The following NFYA variants were observed in gnomAD, a reference collection of about 807,000 sequenced individuals.
NFYA encodes nuclear transcription factor Y subunit alpha.
A neutral mutation model predicts 52.8 loss-of-function variants in NFYA; 28 were observed. The ratio of observed to expected loss-of-function variants is 0.53; its 90% CI spans 0.39 to 0.73. NFYA has a LOEUF of 0.73. NFYA is among the 30% of genes least tolerant of loss of function. The pLI is 0.00. For missense variants in NFYA, 234 were observed against 427.0 expected (o/e 0.55, Z 3.98); for synonymous variants, 150 against 150.7 (o/e 1.00, Z 0.03).
intron 1 of NFYA, among the ~76,000 whole-genome samples, chr6:41,076,633 A>G (rs976180038): frequency 1.3e-5 from 2 of 152,256 alleles, no homozygotes; most frequent in African/African-American, 4.8e-5. Flanking sequence ...CACTAGGAAG[A>G]GAATTTTCAT....
rs944027675 is a variant in NFYA, at chr6:41,102,330, G to C, written c.*4920G>C. 1.3e-5 allele frequency among the ~76,000 whole-genome samples: 2 copies of C among 152,140 alleles called. No homozygotes were observed. Among genetic ancestry groups the C allele is most frequent in the Non-Finnish European group, 2.9e-5 (2 of 68,030 alleles). On this transcript the variant is annotated 3_prime_UTR_variant, in exon 10 of 10. Transcript: ENST00000341376. ...ATTCTATTGACTCATTGTTCAAAGG[G>C]GGGGCAGGAGGAGCTAATTTCCTTT...
chr6:41,091,499 T>C, intron 6 of NFYA, 29 bp from the exon 7 acceptor site: 7 of 1,610,196 alleles, frequency 4.3e-6, no homozygotes, highest in Non-Finnish European at 5.9e-6. Flanking sequence ...GCCTGTTTTT[T>C]GTTTGTTTTA....
chr6:41,083,568 A>G (rs1254277838), intron 3 of NFYA, among the ~76,000 whole-genome samples: 1 of 152,206 alleles, frequency 6.6e-6, no homozygotes, highest in Non-Finnish European at 1.5e-5. Flanking sequence ...GCTGCTTGCT[A>G]CCCAGCCTCC....
At chr6:41,080,120 A>G (rs935643200) in intron 2 of NFYA, among the ~76,000 whole-genome samples, 3 of 152,196 alleles carry the variant, frequency 2.0e-5, no homozygotes, top group Non-Finnish European at 4.4e-5. Context: ...CATTGAAAAC[A>G]TGGCTCTTAA....
At chr6:41,088,291 C>T (rs933212752) in intron 4 of NFYA, among the ~76,000 whole-genome samples, 4 of 151,518 alleles carry the variant, frequency 2.6e-5, no homozygotes, top group African/African-American at 9.7e-5. Flanking sequence ...GGCGTGATGG[C>T]GGACGCCTGT....
At position 41,099,156 on chromosome 6, in the gene NFYA, G is replaced by A. The variant is rs1416298503; in HGVS notation, c.*1746G>A. 6.6e-6 allele frequency: 1 copy of A among 152,190 alleles called. No homozygotes were observed. The highest frequency in any genetic ancestry group is 2.4e-5 in the African/African-American group (1 of 41,446). 9.4% of individuals were successfully genotyped at this position (152,190 alleles called of 1,614,324 possible). A position where few individuals can be genotyped will look rare whatever the true frequency, so the allele number is the denominator to read the frequency against. On this transcript the variant is annotated 3_prime_UTR_variant, in exon 10 of 10. Coordinates refer to ENST00000341376, the MANE Select transcript of NFYA (RefSeq NM_002505.5). Reference sequence around the variant, plus strand: ...ATCTGGTAATCGCTCCTGGCTTCCAGATGTCAAAGGACTGATCCTTTGGTA... The same window carrying A: ...ATCTGGTAATCGCTCCTGGCTTCCAAATGTCAAAGGACTGATCCTTTGGTA...
chr6:41,090,249 G>A lies in NFYA; in HGVS notation c.487G>A (p.Ala163Thr), dbSNP rs1304392952. ...CCAGGGACAGCAAGTGGCACAGACTGCTGAAGGGCAGACCATCGTCTATCA... is the reference window on the plus strand; with the variant it reads ...CCAGGGACAGCAAGTGGCACAGACTACTGAAGGGCAGACCATCGTCTATCA... The part of the protein sequence containing the change: ...AVQGQQVAQT[A>T]EGQTIVYQPV... Residue 163 changes from alanine to threonine, a missense_variant, in exon 6 of 10, where the codon GCT becomes ACT. This residue lies in a region of NFYA where 81 missense variants were observed against 210.5 expected (regional missense o/e 0.38). Coordinates refer to ENST00000341376, the MANE Select transcript of NFYA (RefSeq NM_002505.5). 6.2e-7 allele frequency: 1 copy of A among 1,614,008 alleles called. No homozygotes were observed.
chr6:41,074,254 A>C (rs531856617), intron 1 of NFYA, among the ~76,000 whole-genome samples: 20 of 152,330 alleles, frequency 1.3e-4, no homozygotes, highest in African/African-American at 4.3e-4. Context: ...AGAAACTAAC[A>C]GTGTTGTGGG....
chr6:41,075,816 G>A (rs1427431131), intron 1 of NFYA: 1 of 151,610 alleles, frequency 6.6e-6, no homozygotes, highest in Non-Finnish European at 1.5e-5. Flanking sequence ...TTATCTCTTA[G>A]GATTCCAGTA....
chr6:41,078,236 T>C (rs1293871273), intron 1 of NFYA, among the ~76,000 whole-genome samples: 1 of 152,234 alleles, frequency 6.6e-6, no homozygotes, highest in Non-Finnish European at 1.5e-5. Flanking sequence ...TTTTGGTTTC[T>C]TCTTTCACAC....
chr6:41,075,033 C>A (rs1207737477), intron 1 of NFYA, among the ~76,000 whole-genome samples: 2 of 152,098 alleles, frequency 1.3e-5, no homozygotes, highest in Admixed American at 6.5e-5. Context: ...ACTAAAACTT[C>A]GGGGACAGGT....
chr6:41,088,169 AGCACTTTGGGT>A (rs1251108455), intron 4 of NFYA, among the ~76,000 whole-genome samples: 2 of 152,114 alleles, frequency 1.3e-5, no homozygotes, highest in Non-Finnish European at 2.9e-5. Context: ...CTGTAATCCC[AGCACTTTGGGT>A]GGCCGAGGCG....
At chr6:41,086,899 A>G (rs1028023166) in intron 4 of NFYA, among the ~76,000 whole-genome samples, 2 of 152,192 alleles carry the variant, frequency 1.3e-5, no homozygotes, top group African/African-American at 2.4e-5. Context: ...AGAAAAGTAA[A>G]CTTGGAAAAT....
intron 9 of NFYA, among the ~76,000 whole-genome samples, chr6:41,096,989 G>C (rs1764375740): frequency 6.6e-6 from 1 of 152,168 alleles, no homozygotes; most frequent in African/African-American, 2.4e-5. Context: ...TCAAAAAACA[G>C]TGACAAAAAT....
rs778991514 is a variant in NFYA, at chr6:41,093,010, A to G, written c.813A>G (p.Gln271=). 6 of 1,614,074 alleles carry G rather than the reference A, an allele frequency of 3.7e-6. No homozygotes were observed. The highest frequency in any genetic ancestry group is 5.1e-6 in the Non-Finnish European group (6 of 1,180,036). Residue 271 remains glutamine (Q), a synonymous_variant, in exon 8 of 10, where the codon CAA becomes CAG. Coordinates refer to ENST00000341376, the MANE Select transcript of NFYA (RefSeq NM_002505.5). Reference sequence around the variant, plus strand: ...AGCCTCTCTACGTGAATGCCAAACAATACCACCGTATTCTTAAGAGGAGGC... The same window carrying G: ...AGCCTCTCTACGTGAATGCCAAACAGTACCACCGTATTCTTAAGAGGAGGC... ...EEEPLYVNAK[Q]YHRILKRRQA... is the part of the protein sequence containing the mutation.
At chr6:41,088,502 C>A (rs1764110032) in intron 4 of NFYA, among the ~76,000 whole-genome samples, 1 of 151,558 alleles carries the variant, frequency 6.6e-6, no homozygotes, top group South Asian at 2.1e-4. Context: ...TGGATTCTTT[C>A]AAGGTCCTCT....
At chr6:41,074,424 G>T (rs1763670270) in intron 1 of NFYA, among the ~76,000 whole-genome samples, 1 of 152,188 alleles carries the variant, frequency 6.6e-6, no homozygotes. Context: ...AATACCTAAC[G>T]GTTAGTGCTA....
At chr6:41,089,523 C>A in intron 4 of NFYA, 56 bp from the exon 5 acceptor site, 1 of 1,486,502 alleles carries the variant, frequency 6.7e-7, no homozygotes, top group South Asian at 1.4e-5. Context: ...CTCTCGGGGA[C>A]CAAAGGAGAC....
chr6:41,089,078 G>C (rs890235613), intron 4 of NFYA, among the ~76,000 whole-genome samples: 1 of 151,980 alleles, frequency 6.6e-6, no homozygotes, highest in Non-Finnish European at 1.5e-5. Flanking sequence ...CTCCGCCTCC[G>C]GTTCAAGTGA....
Sources: allele counts gnomAD v4.1 joint callset (sites outside exome capture counted in the v4.1 genomes callset), GRCh38; gene constraint gnomAD v4.1.1; regional missense constraint gnomAD v4.1.1; transcripts MANE v1.5; gene names NCBI Gene and HGNC (gene_info 2026-07-23, HGNC 2026-07-21).